APLN: variants seen among roughly 807,000 people sequenced by gnomAD.
APLN encodes apelin, also known as AGTRL1 ligand.
In APLN, 2 loss-of-function variants were observed where a neutral mutation model predicts 4.3. The observed-to-expected ratio is 0.46, with a 90% CI of 0.19 to 1.45. The LOEUF is 1.45. Ranked by LOEUF, APLN falls within the 40% of genes most tolerant of loss-of-function variation. APLN has a pLI of 0.25. For synonymous variants in APLN, 34 were observed against 30.4 expected, an observed-to-expected ratio of 1.12 and a Z score of -0.38; for missense variants, 80 against 70.0, an observed-to-expected ratio of 1.14 and a Z score of -0.51.
chrX:129,648,671 G>A lies in APLN; in HGVS notation c.189C>T (p.Arg63=), dbSNP rs757320128. ...GPWQGGRRKF[R]RQRPRLSHKG... is the part of the protein sequence containing the mutation. Reference sequence around the variant, plus strand: ...TATGGGAGAGGCGGGGCCGCTGGCGGCGGAATTTCCTCCGACCTCCCTGCC... The same window carrying A: ...TATGGGAGAGGCGGGGCCGCTGGCGACGGAATTTCCTCCGACCTCCCTGCC... Residue 63 remains arginine (R), a synonymous_variant, in exon 2 of 3, where the codon CGC becomes CGT. Coordinates refer to ENST00000429967, the MANE Select transcript of APLN (RefSeq NM_017413.5). 3.2e-5 allele frequency: 38 copies of A among 1,192,163 alleles called. 1 individual carries two copies. Among genetic ancestry groups the A allele is most frequent in the Non-Finnish European group, 4.5e-6 (4 of 885,634 alleles).
intron 1 of APLN, among the ~76,000 whole-genome samples, 199 bp from the exon 2 acceptor site, chrX:129,648,991 T>C (rs182033702): frequency 8.9e-6 from 1 of 112,682 alleles, no homozygotes; most frequent in East Asian, 2.8e-4. Context: ...TACTCACATC[T>C]TGCCATTGAT....
intron 1 of APLN, among the ~76,000 whole-genome samples, chrX:129,651,045 G>C (rs750565963): frequency 9.7e-6 from 1 of 102,579 alleles, no homozygotes; most frequent in Non-Finnish European, 1.9e-5. Flanking sequence ...TGCCAGGAGG[G>C]GGAGGGCATC....
Position 129,648,757 on chromosome X carries a change from C to A in APLN, c.103G>T (p.Glu35Ter). The A allele has an allele frequency of 8.5e-7, 1 of 1,173,118 alleles. No individual in the cohort carries two copies. The highest frequency in any genetic ancestry group is 1.1e-6 in the Non-Finnish European group (1 of 875,652). Residue 35 changes from glutamate to a stop codon, truncating the protein, a stop_gained, in exon 2 of 3, where the codon GAA (glutamate) becomes TAA (stop). Coordinates refer to ENST00000429967, the MANE Select transcript of APLN (RefSeq NM_017413.5). LOFTEE classifies it high-confidence loss of function. ...LMPLPDGNGL[E>*]DGNVRHLVQP... ...ACCAGGTGGCGGACATTGCCGTCTT[C>A]CAGCCCATTCCCATCGGGAAGCGGC...
intron 1 of APLN, among the ~76,000 whole-genome samples, chrX:129,649,016 G>C (rs1222330296): frequency 8.9e-6 from 1 of 112,333 alleles, no homozygotes; most frequent in Non-Finnish European, 1.9e-5. Context: ...CTGACTTTCT[G>C]TCCTTTTGAC....
chrX:129,651,273 T>C lies in APLN; in HGVS notation c.68-2481A>G, dbSNP rs141144338. 2.7e-5 allele frequency among the ~76,000 whole-genome samples: 3 copies of C among 110,368 alleles called. No homozygotes were observed. The East Asian group carries it at 8.6e-4, about 32-fold the overall frequency. On this transcript the variant is annotated intron_variant, in intron 1 of 2. Coordinates refer to ENST00000429967, the MANE Select transcript of APLN (RefSeq NM_017413.5). ...CCCTCCCATTGCGTTGGGGACTCAT[T>C]GTCCTCAGCATCACCGAGATCTGCT...
chrX:129,645,661 C>G lies in APLN; in HGVS notation c.*2262G>C, dbSNP rs1005723627. 8.9e-6 allele frequency: 1 copy of G among 112,163 alleles called. No individual in the cohort carries two copies. The highest frequency in any genetic ancestry group is 1.9e-5 in the Non-Finnish European group (1 of 53,176). 9.2% of individuals were successfully genotyped at this position (112,163 alleles called of 1,213,427 possible). ...TTCATTTTGTGAGCTCATGGCAAATCAGTTTGAGGCCAGTTGACCTAGAAC... is the reference window on the plus strand; with the variant it reads ...TTCATTTTGTGAGCTCATGGCAAATGAGTTTGAGGCCAGTTGACCTAGAAC... On this transcript the variant is annotated 3_prime_UTR_variant, in exon 3 of 3. Coordinates refer to ENST00000429967, the MANE Select transcript of APLN (RefSeq NM_017413.5).
intron 1 of APLN, among the ~76,000 whole-genome samples, chrX:129,652,611 C>T (rs912070852): frequency 8.9e-6 from 1 of 112,294 alleles, no homozygotes; most frequent in African/African-American, 3.2e-5. Context: ...GTTTCCAGCA[C>T]GAGGCTTGAG....
intron 1 of APLN, among the ~76,000 whole-genome samples, chrX:129,652,294 A>G (rs906435551): frequency 1.8e-5 from 2 of 111,472 alleles, no homozygotes; most frequent in Non-Finnish European, 3.8e-5. Context: ...ACGTGGTGGT[A>G]GCGGGGTGAT....
intron 1 of APLN, among the ~76,000 whole-genome samples, chrX:129,650,949 G>A (rs1339476963): frequency 8.9e-6 from 1 of 111,796 alleles, no homozygotes; most frequent in Non-Finnish European, 1.9e-5. Flanking sequence ...CTGCACCTTC[G>A]ACTGCTGGGG....
chrX:129,648,669 C>T lies in APLN; in HGVS notation c.191G>A (p.Arg64His), dbSNP rs1240173234. The T allele has an allele frequency of 1.5e-5, 18 of 1,193,080 alleles. No individual in the cohort carries two copies. The highest frequency in any genetic ancestry group is 2.3e-4 in the Middle Eastern group (1 of 4,276). ...PWQGGRRKFR[R>H]QRPRLSHKGP... is the part of the protein sequence containing the mutation. ...CTTATGGGAGAGGCGGGGCCGCTGGCGGCGGAATTTCCTCCGACCTCCCTG... is the reference window on the plus strand; with the variant it reads ...CTTATGGGAGAGGCGGGGCCGCTGGTGGCGGAATTTCCTCCGACCTCCCTG... The change falls in exon 2 of 3, where the codon CGC becomes CAC. Residue 64 changes from arginine (R) to histidine (H), a missense_variant. Arg to His is a conservative substitution (Grantham distance 29, BLOSUM62 0). Coordinates refer to ENST00000429967, the MANE Select transcript of APLN (RefSeq NM_017413.5).
chrX:129,651,001 A>AG (rs1053973913), intron 1 of APLN, among the ~76,000 whole-genome samples: 5 of 111,690 alleles, frequency 4.5e-5, no homozygotes, highest in Admixed American at 1.9e-4. Flanking sequence ...ATTGTAGCTC[A>AG]GGGTGGTGGC....
Position 129,654,673 on chromosome X carries a change from G to A in APLN, c.-43C>T, listed in dbSNP as rs746449464. On this transcript the variant is annotated 5_prime_UTR_variant, in exon 1 of 3. Coordinates refer to ENST00000429967, the MANE Select transcript of APLN (RefSeq NM_017413.5). ...CGCGGCCCCGGCGAGCCGGCGCGGG[G>A]GAGGAGAGGTCGGGCGCCCGGAGGC... is the stretch of plus-strand genomic sequence containing the variant. 5.3e-5 allele frequency: 54 copies of A among 1,025,167 alleles called. No individual in the cohort carries two copies. The Admixed American group carries it at 2.0e-3, about 37-fold the overall frequency. 84.5% of individuals were successfully genotyped at this position (1,025,167 alleles called of 1,213,427 possible).
rs911168370 is a variant in APLN, at chrX:129,646,782, C to G, written c.*1141G>C. The G allele has an allele frequency of 8.9e-6, 1 of 112,300 alleles. No homozygotes were observed. The highest frequency in any genetic ancestry group is 1.9e-5 in the Non-Finnish European group (1 of 53,159). 9.3% of individuals were successfully genotyped at this position (112,300 alleles called of 1,213,427 possible). A position where few individuals can be genotyped will look rare whatever the true frequency, so the allele number is the denominator to read the frequency against. On this transcript the variant is annotated 3_prime_UTR_variant, in exon 3 of 3. Transcript: ENST00000429967. ...CTGGCCAGTTATGGAACCTTCCAGC[C>G]CAGCTGGGGGAATGGTGCAGCAGGG...
intron 1 of APLN, among the ~76,000 whole-genome samples, chrX:129,652,821 GTGGT>G (rs1569469272): frequency 9.0e-6 from 1 of 111,661 alleles, no homozygotes; most frequent in Non-Finnish European, 1.9e-5. Context: ...GAGGGTCTGA[GTGGT>G]TGTCTATTGG....
chrX:129,648,542 G>T, intron 2 of APLN, 79 bp downstream of exon 2: 1 of 1,081,685 alleles, frequency 9.2e-7, no homozygotes, highest in South Asian at 2.1e-5. Flanking sequence ...GGCCAGTGAT[G>T]AGCGGCAGGA....
chrX:129,654,427 G>T, intron 1 of APLN, 137 bp downstream of exon 1: 1 of 480,730 alleles, frequency 2.1e-6, no homozygotes, highest in Non-Finnish European at 3.1e-6. Context: ...TCAATCTGCT[G>T]CCTGGCGCTG....
chrX:129,645,896 A>G lies in APLN; in HGVS notation c.*2027T>C, dbSNP rs909092989. On this transcript the variant is annotated 3_prime_UTR_variant, in exon 3 of 3. Transcript: ENST00000429967. ...CACAGGGGAAGGGAACAATTTCTTA[A>G]TGAACAGGGCCTTAATATCTTTGTA... The G allele has an allele frequency of 1.8e-5, 2 of 112,802 alleles. No homozygotes were observed. Among genetic ancestry groups the G allele is most frequent in the African/African-American group, 6.5e-5 (2 of 30,981 alleles). The allele number at this position is 112,802 out of a possible 1,213,427, so 9.3% of individuals were successfully genotyped here. A position where few individuals can be genotyped will look rare whatever the true frequency, so the allele number is the denominator to read the frequency against.
chrX:129,646,423 T>A lies in APLN; in HGVS notation c.*1500A>T, dbSNP rs1454674214. Reference sequence around the variant, plus strand: ...GCCCCCTCCAAGGAATGGCTGGTGATGGCCCCTCACGGAAGCTAGGGCCTC... The same window carrying A: ...GCCCCCTCCAAGGAATGGCTGGTGAAGGCCCCTCACGGAAGCTAGGGCCTC... On this transcript the variant is annotated 3_prime_UTR_variant, in exon 3 of 3. Coordinates refer to ENST00000429967, the MANE Select transcript of APLN (RefSeq NM_017413.5). 1.8e-5 allele frequency: 2 copies of A among 112,822 alleles called. No individual in the cohort carries two copies. The highest frequency in any genetic ancestry group is 3.8e-5 in the Non-Finnish European group (2 of 53,276). The allele number at this position is 112,822 out of a possible 1,213,427, so 9.3% of individuals were successfully genotyped here.
chrX:129,653,941 C>T (rs1436352674), intron 1 of APLN, among the ~76,000 whole-genome samples: 8 of 111,712 alleles, frequency 7.2e-5, no homozygotes, highest in Non-Finnish European at 1.5e-4. Flanking sequence ...AAGACCAGCC[C>T]AGCCCGGCTG....
Sources: gnomAD v4.1 joint callset for allele counts (sites outside exome capture counted in the v4.1 genomes callset) on GRCh38, gnomAD v4.1.1 for gene constraint, MANE v1.5 for transcripts, NCBI Gene and HGNC (gene_info 2026-07-23, HGNC 2026-07-21) for gene names.